The following REDIC1 variants were observed in gnomAD, a reference collection of about 807,000 sequenced individuals.
REDIC1 encodes HEI10 Interacting Protein 1.
the REDIC1 span, among the ~76,000 whole-genome samples, chr12:39,722,145 A>G: frequency 4.6e-5 from 7 of 152,250 alleles, no homozygotes; most frequent in East Asian, 1.4e-3. Context: ...AAAGAAAACA[A>G]TGTTTTCATG....
At chr12:39,897,890 A>G in the REDIC1 span, among the ~76,000 whole-genome samples, 1 of 152,018 alleles carries the variant, frequency 6.6e-6, no homozygotes, top group African/African-American at 2.4e-5. Flanking sequence ...AATACAATAT[A>G]TAAGACATTT....
At chr12:39,640,187 A>G in the REDIC1 span, among the ~76,000 whole-genome samples, 1 of 151,772 alleles carries the variant, frequency 6.6e-6, no homozygotes, top group East Asian at 1.9e-4. Context: ...TGATTGGGTC[A>G]CAGGGGCAGT....
At chr12:39,647,752 T>C in the REDIC1 span, 2 of 1,310,966 alleles carry the variant, frequency 1.5e-6, no homozygotes, top group Admixed American at 5.5e-5. Context: ...CTAGTTTATA[T>C]ATTTTGGTAA....
chr12:39,674,144 C>T, the REDIC1 span, among the ~76,000 whole-genome samples: 3 of 152,122 alleles, frequency 2.0e-5, no homozygotes, highest in Non-Finnish European at 4.4e-5. Flanking sequence ...AAATCAGATG[C>T]CATCTGCCTT....
the REDIC1 span, among the ~76,000 whole-genome samples, chr12:39,691,055 C>A: frequency 6.6e-6 from 1 of 152,056 alleles, no homozygotes; most frequent in African/African-American, 2.4e-5. Flanking sequence ...GGGCTCTGCT[C>A]CATGTAGTTA....
the REDIC1 span, among the ~76,000 whole-genome samples, chr12:39,849,143 A>G: frequency 6.6e-6 from 1 of 152,094 alleles, no homozygotes; most frequent in Non-Finnish European, 1.5e-5. Flanking sequence ...CTATATAACA[A>G]ACCTTCACAT....
chr12:39,847,957 T>C, the REDIC1 span, among the ~76,000 whole-genome samples: 4 of 152,278 alleles, frequency 2.6e-5, no homozygotes, highest in Admixed American at 2.6e-4. Flanking sequence ...AGAGGCTATA[T>C]CTCATGCTTT....
chr12:39,664,265 C>T, the REDIC1 span, among the ~76,000 whole-genome samples: 7,087 of 147,124 alleles, frequency 0.048, 237 homozygotes, highest in Non-Finnish European at 0.077. Context: ...GTGATGTTCC[C>T]CTTCCTGTGT....
the REDIC1 span, among the ~76,000 whole-genome samples, chr12:39,838,160 C>A: frequency 6.7e-6 from 1 of 148,588 alleles, no homozygotes; most frequent in African/African-American, 2.5e-5. Context: ...ACTACGCAGC[C>A]ATAAAAAAGG....
the REDIC1 span, among the ~76,000 whole-genome samples, chr12:39,717,363 T>C: frequency 2.0e-5 from 3 of 152,100 alleles, no homozygotes; most frequent in Non-Finnish European, 2.9e-5. Context: ...ATATACTATA[T>C]TTATACAATA....
At chr12:39,825,044 T>C in the REDIC1 span, among the ~76,000 whole-genome samples, 1 of 152,162 alleles carries the variant, frequency 6.6e-6, no homozygotes, top group Non-Finnish European at 1.5e-5. Context: ...GAGTGCAGCT[T>C]TGAGAAAAAT....
the REDIC1 span, among the ~76,000 whole-genome samples, chr12:39,665,007 T>C: frequency 3.6e-4 from 55 of 152,362 alleles, no homozygotes; most frequent in South Asian, 8.3e-4. Context: ...AAAAATTTTC[T>C]CCCATTCTGT....
At chr12:39,834,232 G>A in the REDIC1 span, among the ~76,000 whole-genome samples, 2 of 151,838 alleles carry the variant, frequency 1.3e-5, no homozygotes, top group African/African-American at 4.8e-5. Flanking sequence ...TCTTGAGATA[G>A]GTCAAAAAAA....
At chr12:39,822,999 T>G in the REDIC1 span, among the ~76,000 whole-genome samples, 1 of 152,210 alleles carries the variant, frequency 6.6e-6, no homozygotes, top group Non-Finnish European at 1.5e-5. Context: ...GTCTGCAATA[T>G]AGTCACTAAA....
the REDIC1 span, among the ~76,000 whole-genome samples, chr12:39,751,891 A>G: frequency 6.6e-6 from 1 of 152,052 alleles, no homozygotes; most frequent in Non-Finnish European, 1.5e-5. Context: ...ATCACACACC[A>G]GGGCCTGTTG....
At chr12:39,768,617 C>T in the REDIC1 span, among the ~76,000 whole-genome samples, 1 of 152,026 alleles carries the variant, frequency 6.6e-6, no homozygotes, top group South Asian at 2.1e-4. Context: ...AAGAAGGAAA[C>T]AGCTGGTTGG....
chr12:39,715,054 AG>A, the REDIC1 span, among the ~76,000 whole-genome samples: 1 of 151,640 alleles, frequency 6.6e-6, no homozygotes, highest in South Asian at 2.1e-4. Context: ...GCCGTGCAAA[AG>A]CTCTTTAGTT....
chr12:39,841,071 A>T, the REDIC1 span, among the ~76,000 whole-genome samples: 1,161 of 152,184 alleles, frequency 7.6e-3, 22 homozygotes, highest in African/African-American at 0.027. Flanking sequence ...GAACTCTGTA[A>T]AAGAGTCATA....
At chr12:39,907,234 T>G in the REDIC1 span, among the ~76,000 whole-genome samples, 2 of 152,158 alleles carry the variant, frequency 1.3e-5, no homozygotes, top group Admixed American at 1.3e-4. Context: ...ATTTAGTCTT[T>G]CAAATATTTT....
Sources: allele counts gnomAD v4.1 joint callset (sites outside exome capture counted in the v4.1 genomes callset), GRCh38; gene constraint gnomAD v4.1.1; transcripts MANE v1.5; gene names NCBI Gene and HGNC (gene_info 2026-07-23, HGNC 2026-07-21).